Variants in BUB1 observed in about 807,000 individuals in gnomAD.
The protein encoded by BUB1 is BUB1 mitotic checkpoint serine/threonine kinase.
A neutral mutation model predicts 135.2 loss-of-function variants in BUB1; 84 were observed. That is an observed-to-expected ratio of 0.62 (90% CI 0.52 to 0.74). The LOEUF (loss-of-function observed/expected upper bound fraction) is 0.74. BUB1 is among the 30% of genes least tolerant of loss of function. The pLI is 0.00. For synonymous variants in BUB1, 403 were observed against 434.4 expected (o/e 0.93, Z 0.90); for missense variants, 1,162 against 1,288.3 (o/e 0.90, Z 1.50).
intron 22 of BUB1, 27 bp downstream of exon 22, chr2:110,641,280 G>T: frequency 6.3e-7 from 1 of 1,593,134 alleles, no homozygotes; most frequent in African/African-American, 1.3e-5. Flanking sequence ...AGGAAGAGAA[G>T]AACCCTGTTA....
chr2:110,650,577 C>T lies in BUB1; in HGVS notation c.2172G>A (p.Gln724=). ...CATCAACAGTCCCAAGTGAACTCATCTGCATCCATTCTGCTTGGAGCCCAG... is the reference window on the plus strand; with the variant it reads ...CATCAACAGTCCCAAGTGAACTCATTTGCATCCATTCTGCTTGGAGCCCAG... The part of the protein sequence containing the change: ...AIAGLQAEWM[Q]MSSLGTVDAP... The change falls in exon 18 of 25, where the codon CAG becomes CAA. Residue 724 remains glutamine (Q), a synonymous_variant. Transcript: ENST00000302759. The T allele has an allele frequency of 1.2e-6, 2 of 1,613,872 alleles. No individual in the cohort carries two copies. Among genetic ancestry groups the T allele is most frequent in the Non-Finnish European group, 1.7e-6 (2 of 1,179,938 alleles).
intron 8 of BUB1, 148 bp from the exon 9 acceptor site, chr2:110,666,562 T>C (rs1216824274): frequency 3.7e-6 from 2 of 547,340 alleles, no homozygotes; most frequent in Admixed American, 4.4e-5. Flanking sequence ...GAAACTTGTA[T>C]TACCTTTTAA....
intron 18 of BUB1, among the ~76,000 whole-genome samples, chr2:110,649,628 C>T (rs1574319354): frequency 6.6e-6 from 1 of 152,290 alleles, no homozygotes; most frequent in East Asian, 1.9e-4. Flanking sequence ...AGGGAATCAA[C>T]TCTAGGTGCA....
intron 13 of BUB1, among the ~76,000 whole-genome samples, chr2:110,657,890 T>C (rs533864999): frequency 6.6e-6 from 1 of 152,356 alleles, no homozygotes; most frequent in Admixed American, 6.5e-5. Context: ...TTAATCATTC[T>C]CCTAAATCAG....
At chr2:110,672,959 G>T in intron 3 of BUB1, 102 bp from the exon 4 acceptor site, 1 of 1,198,940 alleles carries the variant, frequency 8.3e-7, no homozygotes, top group Non-Finnish European at 1.1e-6. Flanking sequence ...GGTAGCTTCG[G>T]ATGGGAGCTG....
Position 110,666,425 on chromosome 2 carries a change from G to C in BUB1, c.806-11C>G. 1 of 1,365,492 alleles carries C rather than the reference G, an allele frequency of 7.3e-7. No homozygotes were observed. The highest frequency in any genetic ancestry group is 9.6e-7 in the Non-Finnish European group (1 of 1,046,532). 84.6% of individuals were successfully genotyped at this position (1,365,492 alleles called of 1,614,324 possible). On this transcript the variant is annotated splice_polypyrimidine_tract_variant and intron_variant, in intron 8 of 24. Transcript: ENST00000302759. The stretch of plus-strand genomic sequence containing the variant: ...GTCTGTCTTCATTTACTTTAGGAAA[G>C]ATAGAAATGGTTTGCATGCAAAATT...
chr2:110,638,273 C>T lies in BUB1; in HGVS notation c.3063-114G>A, dbSNP rs1217992191. On this transcript the variant is annotated intron_variant, in intron 24 of 24. Transcript: ENST00000302759. ...GGACAGTTTAGTATAACAACTCTCACCTAAACACAATACAATGCAGCAAGT... is the reference window on the plus strand; with the variant it reads ...GGACAGTTTAGTATAACAACTCTCATCTAAACACAATACAATGCAGCAAGT... 37 of 698,378 alleles carry T rather than the reference C, an allele frequency of 5.3e-5. 1 individual carries two copies. In the East Asian group the frequency reaches 1.0e-3, roughly 20 times the overall value. 43.3% of individuals were successfully genotyped at this position (698,378 alleles called of 1,614,324 possible).
chr2:110,654,188 G>A (rs937239097), intron 16 of BUB1, among the ~76,000 whole-genome samples: 5 of 152,132 alleles, frequency 3.3e-5, no homozygotes, highest in African/African-American at 4.8e-5. Context: ...CAAGAACATG[G>A]AGAGTAAAAG....
At chr2:110,673,771 G>C (rs1366762057) in intron 3 of BUB1, among the ~76,000 whole-genome samples, 3 of 152,026 alleles carry the variant, frequency 2.0e-5, no homozygotes, top group African/African-American at 4.8e-5. Context: ...GTTAATTTTT[G>C]TATTTTTAGT....
intron 4 of BUB1, among the ~76,000 whole-genome samples, chr2:110,671,326 T>C (rs1178655603): frequency 6.6e-6 from 1 of 152,266 alleles, no homozygotes; most frequent in Non-Finnish European, 1.5e-5. Flanking sequence ...AAAAATATTT[T>C]GCTGTTATGG....
chr2:110,655,579 A>G (rs1449659340), intron 16 of BUB1, among the ~76,000 whole-genome samples, 160 bp downstream of exon 16: 1 of 152,218 alleles, frequency 6.6e-6, no homozygotes, highest in African/African-American at 2.4e-5. Context: ...AAAACCTATG[A>G]ACAAAAATAC....
At chr2:110,671,104 T>C (rs974460622) in intron 4 of BUB1, among the ~76,000 whole-genome samples, 4 of 152,248 alleles carry the variant, frequency 2.6e-5, no homozygotes, top group Non-Finnish European at 5.9e-5. Flanking sequence ...TTCTGAGCGA[T>C]GCGAGCCAAA....
intron 1 of BUB1, among the ~76,000 whole-genome samples, chr2:110,677,481 A>AT (rs902608657): frequency 3.9e-5 from 6 of 151,984 alleles, no homozygotes; most frequent in East Asian, 3.9e-4. Context: ...GAGCAAAGCT[A>AT]TTTTTTTTCA....
Position 110,653,498 on chromosome 2 carries a change from G to C in BUB1, c.1902C>G (p.Thr634=). ...CCTCACAAGAATCCAAAGTCGCCTG[G>C]GTACACTGTTTTGCTACCACATTTT... ...DKENVVAKQC[T]QATLDSCEEN... Residue 634 remains threonine (T), a synonymous_variant, in exon 17 of 25, where the codon ACC becomes ACG. Coordinates refer to ENST00000302759, the MANE Select transcript of BUB1 (RefSeq NM_004336.5). The C allele has an allele frequency of 1.2e-6, 2 of 1,613,738 alleles. No individual in the cohort carries two copies. Among genetic ancestry groups the C allele is most frequent in the Non-Finnish European group, 1.7e-6 (2 of 1,179,882 alleles).
intron 24 of BUB1, among the ~76,000 whole-genome samples, chr2:110,639,042 G>A (rs1202325250): frequency 6.6e-6 from 1 of 151,986 alleles, no homozygotes; most frequent in African/African-American, 2.4e-5. Flanking sequence ...CACTTAAGAT[G>A]AGTGTACTTT....
In BUB1 at chr2:110,661,798, T is replaced by C; in HGVS notation, c.1001A>G (p.Glu334Gly). 6.2e-7 allele frequency: 1 copy of C among 1,614,182 alleles called. No individual in the cohort carries two copies. Among genetic ancestry groups the C allele is most frequent in the Non-Finnish European group, 8.5e-7 (1 of 1,180,020 alleles). Residue 334 changes from glutamate to glycine, a missense_variant, in exon 10 of 25, where the codon GAA becomes GGA. By Grantham distance (98) the Glu-to-Gly change is moderately conservative (BLOSUM62 -2). Coordinates refer to ENST00000302759, the MANE Select transcript of BUB1 (RefSeq NM_004336.5). ...RMGPSVGSQQELRAPCLPVTY... is the reference protein window; with the variant it reads ...RMGPSVGSQQGLRAPCLPVTY... Reference sequence around the variant, plus strand: ...TACTGGAAGACATGGCGCTCTCAGTTCCTGCTGGGAGCCTACACTTGGCCC... The same window carrying C: ...TACTGGAAGACATGGCGCTCTCAGTCCCTGCTGGGAGCCTACACTTGGCCC...
intron 16 of BUB1, 59 bp downstream of exon 16, chr2:110,655,680 A>C: frequency 7.1e-7 from 1 of 1,401,568 alleles, no homozygotes. Flanking sequence ...AACTTCATGA[A>C]GAAAACTGAA....
rs1690513807 is a variant in BUB1 at position 110,674,334 on chromosome 2, C to T, written c.58G>A (p.Gly20Ser). ...MLEAHMQSYK[G>S]NDPLGEWERY... is the part of the protein sequence containing the mutation. ...TCCCATTCACCAAGAGGGTCATTGC[C>T]CTTGTAGCTCTGCATGTGGGCTTCA... The change falls in exon 2 of 25, where the codon GGC becomes AGC. Residue 20 changes from glycine to serine, a missense_variant. Transcript: ENST00000302759. The T allele has an allele frequency of 1.2e-6, 2 of 1,613,962 alleles. No homozygotes were observed. Among genetic ancestry groups the T allele is most frequent in the Non-Finnish European group, 1.7e-6 (2 of 1,179,984 alleles).
chr2:110,641,664 A>G lies in BUB1; in HGVS notation c.2603T>C (p.Leu868Pro). ...TACTAATAATGTTCCATAGCTGTAGAGCTCTCCTACTAATACACTGCCATT... is the reference window on the plus strand; with the variant it reads ...TACTAATAATGTTCCATAGCTGTAGGGCTCTCCTACTAATACACTGCCATT... ...FQNGSVLVGE[L>P]YSYGTLLNAI... Residue 868 changes from leucine (L) to proline (P), a missense_variant, in exon 21 of 25, where the codon CTC (leucine) becomes CCC (proline). Physicochemically the swap from Leu to Pro is moderately conservative, Grantham distance 98 (BLOSUM62 -3). Coordinates refer to ENST00000302759, the MANE Select transcript of BUB1 (RefSeq NM_004336.5). The G allele has an allele frequency of 6.2e-7, 1 of 1,612,992 alleles. No individual in the cohort carries two copies. Among genetic ancestry groups the G allele is most frequent in the Non-Finnish European group, 8.5e-7 (1 of 1,179,842 alleles).
Sources: gnomAD v4.1 joint callset for allele counts (sites outside exome capture counted in the v4.1 genomes callset) on GRCh38, gnomAD v4.1.1 for gene constraint, MANE v1.5 for transcripts, NCBI Gene and HGNC (gene_info 2026-07-23, HGNC 2026-07-21) for gene names.